The following SIRT4 variants were observed in gnomAD, a reference collection of about 807,000 sequenced individuals.
The protein encoded by SIRT4 is sirtuin 4.
In SIRT4, 23 loss-of-function variants were observed where a neutral mutation model predicts 26.1. The observed-to-expected ratio is 0.88, with a 90% CI of 0.63 to 1.25. SIRT4 has a LOEUF of 1.25. Among genes scored for constraint, SIRT4 ranks in the 50% most tolerant of loss-of-function variants. The pLI is 0.00. For missense variants in SIRT4, 361 were observed against 405.4 expected, an observed-to-expected ratio of 0.89 and a Z score of 0.94; for synonymous variants, 155 against 158.4, an observed-to-expected ratio of 0.98 and a Z score of 0.16.
Position 120,303,815 on chromosome 12 carries a change from C to G in SIRT4, c.254C>G (p.Thr85Ser), listed in dbSNP as rs1251196607. 1.2e-6 allele frequency: 2 copies of G among 1,614,166 alleles called. No individual in the cohort carries two copies. The highest frequency in any genetic ancestry group is 1.7e-5 in the Admixed American group (1 of 60,002). The change falls in exon 2 of 4, where the codon ACT becomes AGT. Residue 85 changes from threonine (T) to serine (S), a missense_variant. Coordinates refer to ENST00000202967, the MANE Select transcript of SIRT4 (RefSeq NM_012240.3). Reference sequence around the variant, plus strand: ...GAAAAAGTGGGGCTTTATGCCCGCACTGACCGCAGGCCCATCCAGCATGGT... The same window carrying G: ...GAAAAAGTGGGGCTTTATGCCCGCAGTGACCGCAGGCCCATCCAGCATGGT... ...RSEKVGLYARTDRRPIQHGDF... is the reference protein window; with the variant it reads ...RSEKVGLYARSDRRPIQHGDF...
At chr12:120,297,717 G>A (rs919990718), upstream of SIRT4, among the ~76,000 whole-genome samples, 1 of 152,050 alleles carries the variant, frequency 6.6e-6, no homozygotes, top group Non-Finnish European at 1.5e-5. Flanking sequence ...CTCTATTAGT[G>A]ATGATCATTC....
chr12:120,306,218 G>A (rs760628804), intron 2 of SIRT4, among the ~76,000 whole-genome samples: 1 of 152,044 alleles, frequency 6.6e-6, no homozygotes, highest in Non-Finnish European at 1.5e-5. Flanking sequence ...GCTCGCGCCT[G>A]TAATCCCAGC....
At chr12:120,306,995 G>A (rs1365681176) in intron 2 of SIRT4, among the ~76,000 whole-genome samples, 2 of 152,162 alleles carry the variant, frequency 1.3e-5, no homozygotes, top group Non-Finnish European at 2.9e-5. Context: ...ACAGATACAT[G>A]GGAGGGTATC....
intron 2 of SIRT4, among the ~76,000 whole-genome samples, chr12:120,309,232 T>G (rs1327137041): frequency 6.6e-6 from 1 of 152,140 alleles, no homozygotes; most frequent in Non-Finnish European, 1.5e-5. Flanking sequence ...CTTTTAATAA[T>G]GAAAATTTCA....
upstream of SIRT4, among the ~76,000 whole-genome samples, chr12:120,301,170 C>A (rs1352549857): frequency 6.6e-6 from 1 of 152,038 alleles, no homozygotes; most frequent in Non-Finnish European, 1.5e-5. Flanking sequence ...CATGGTGAAA[C>A]CTTGTCTCTA....
At chr12:120,307,883 A>C (rs1872803686) in intron 2 of SIRT4, among the ~76,000 whole-genome samples, 1 of 152,162 alleles carries the variant, frequency 6.6e-6, no homozygotes, top group Non-Finnish European at 1.5e-5. Context: ...CAAACAAACA[A>C]AGAAAAGCAC....
intron 2 of SIRT4, among the ~76,000 whole-genome samples, chr12:120,308,424 C>T (rs578060479): frequency 2.0e-5 from 3 of 150,942 alleles, no homozygotes; most frequent in Admixed American, 6.6e-5. Context: ...CCGCCTGCCT[C>T]GGCCTCCCAA....
chr12:120,291,892 C>G, the SIRT4 span: 1 of 152,156 alleles, frequency 6.6e-6, no homozygotes, highest in African/African-American at 2.4e-5. Context: ...GATACTGCCA[C>G]TGCGCAAAGC....
upstream of SIRT4, among the ~76,000 whole-genome samples, chr12:120,298,464 C>T (rs1016653409): frequency 7.9e-5 from 12 of 151,230 alleles, no homozygotes; most frequent in African/African-American, 2.9e-4. Context: ...CTTGGTGGCC[C>T]ACCTGTAGTC....
At chr12:120,299,408 C>T (rs972406216), upstream of SIRT4, among the ~76,000 whole-genome samples, 1 of 151,214 alleles carries the variant, frequency 6.6e-6, no homozygotes. Flanking sequence ...AAAAATTAGC[C>T]GGGCGCAGTG....
At chr12:120,293,152 G>T in the SIRT4 span, 1 of 152,162 alleles carries the variant, frequency 6.6e-6, no homozygotes, top group Non-Finnish European at 1.5e-5. Context: ...AGTCGTCACG[G>T]CGGGGTATTG....
At chr12:120,302,205 G>A (rs1034491775), upstream of SIRT4, 14 of 152,156 alleles carry the variant, frequency 9.2e-5, no homozygotes, top group Non-Finnish European at 5.9e-5. Context: ...ACCAGAAAGA[G>A]CCGACAGGGG....
chr12:120,299,620 T>C (rs942566419), upstream of SIRT4, among the ~76,000 whole-genome samples: 6 of 151,974 alleles, frequency 3.9e-5, no homozygotes, highest in African/African-American at 1.4e-4. Flanking sequence ...CCGAGGGCTA[T>C]AGTGTGGGAG....
the SIRT4 span, chr12:120,293,021 C>G: frequency 6.6e-6 from 1 of 150,614 alleles, no homozygotes; most frequent in African/African-American, 2.5e-5. Flanking sequence ...CGAACAAGTA[C>G]TCTTCAACCT....
At chr12:120,292,839 C>T in the SIRT4 span, among the ~76,000 whole-genome samples, 1 of 152,198 alleles carries the variant, frequency 6.6e-6, no homozygotes, top group East Asian at 1.9e-4. Flanking sequence ...GAAAACAGGA[C>T]AGCCAACTGG....
At chr12:120,304,510 C>T (rs1233386688) in intron 2 of SIRT4, among the ~76,000 whole-genome samples, 1 of 151,642 alleles carries the variant, frequency 6.6e-6, no homozygotes, top group East Asian at 1.9e-4. Flanking sequence ...ATTAGCCAGT[C>T]GTGGTGGCAC....
chr12:120,294,201 C>T, the SIRT4 span, among the ~76,000 whole-genome samples: 1 of 151,756 alleles, frequency 6.6e-6, no homozygotes, highest in Non-Finnish European at 1.5e-5. Flanking sequence ...ACCATGTTGG[C>T]CAGGCTGGTC....
chr12:120,301,165 T>A (rs896287707), upstream of SIRT4, among the ~76,000 whole-genome samples: 4 of 152,086 alleles, frequency 2.6e-5, no homozygotes, highest in African/African-American at 4.8e-5. Context: ...GCTAACATGG[T>A]GAAACCTTGT....
At chr12:120,311,154 T>C (rs1439748697) in intron 2 of SIRT4, among the ~76,000 whole-genome samples, 4 of 143,684 alleles carry the variant, frequency 2.8e-5, no homozygotes, top group Admixed American at 7.0e-5. Context: ...AGGTCAAGAG[T>C]TCGAGACCAG....
Sources: allele counts gnomAD v4.1 joint callset (sites outside exome capture counted in the v4.1 genomes callset), GRCh38; gene constraint gnomAD v4.1.1; transcripts MANE v1.5; gene names NCBI Gene and HGNC (gene_info 2026-07-23, HGNC 2026-07-21).